BANK1: variants seen among roughly 807,000 people sequenced by gnomAD.
BANK1 encodes B-cell scaffold protein with ankyrin repeats.
BANK1 carries 95 observed loss-of-function variants against 94.5 expected under a neutral mutation model. That is an observed-to-expected ratio of 1.00 (90% CI 0.85 to 1.19). BANK1 has a LOEUF of 1.19. BANK1 is among the 50% of genes most tolerant of loss of function. BANK1 has a pLI of 0.00. For missense variants in BANK1, 987 were observed against 932.2 expected (o/e 1.06, Z -0.77); for synonymous variants, 334 against 308.4 (o/e 1.08, Z -0.87).
At position 102,058,235 on chromosome 4, in the gene BANK1, A is replaced by G. The variant is rs140246831; in HGVS notation, c.1970-1976A>G. Among the ~76,000 whole-genome samples, 14 of 152,230 alleles carry G rather than the reference A, an allele frequency of 9.2e-5. No individual in the cohort carries two copies. The East Asian group carries it at 2.7e-3, about 29-fold the overall frequency. On this transcript the variant is annotated intron_variant, in intron 11 of 16. Coordinates refer to ENST00000322953, the MANE Select transcript of BANK1 (RefSeq NM_017935.5). ...ATTCTTACCTACTCTGTAGATTTATATACTCACTACAATGGGTTGGTTGAT... is the reference window on the plus strand; with the variant it reads ...ATTCTTACCTACTCTGTAGATTTATGTACTCACTACAATGGGTTGGTTGAT...
At chr4:101,838,385 A>G (rs1176715245) in intron 2 of BANK1, among the ~76,000 whole-genome samples, 1 of 152,212 alleles carries the variant, frequency 6.6e-6, no homozygotes, top group Non-Finnish European at 1.5e-5. Flanking sequence ...TGTGTTATTA[A>G]CAACTTAGAA....
chr4:101,849,137 A>G (rs1384102880), intron 2 of BANK1, among the ~76,000 whole-genome samples: 1 of 152,212 alleles, frequency 6.6e-6, no homozygotes, highest in East Asian at 1.9e-4. Context: ...TAAAGTTGTC[A>G]TTACTTCCTG....
intron 11 of BANK1, among the ~76,000 whole-genome samples, chr4:102,052,386 G>A (rs1728082789): frequency 6.6e-6 from 1 of 151,934 alleles, no homozygotes; most frequent in Non-Finnish European, 1.5e-5. Flanking sequence ...AAAGTGCTGG[G>A]ATTACAGGCA....
intron 7 of BANK1, among the ~76,000 whole-genome samples, chr4:101,939,483 T>G (rs1723672342): frequency 6.6e-6 from 1 of 151,702 alleles, no homozygotes; most frequent in East Asian, 1.9e-4. Context: ...AAACTTGGAC[T>G]AGTGGATGCC....
chr4:101,803,923 G>T (rs1725448370), intron 1 of BANK1, among the ~76,000 whole-genome samples: 1 of 135,784 alleles, frequency 7.4e-6, no homozygotes, highest in African/African-American at 2.7e-5. Context: ...GCGTGAACCC[G>T]GGAAGCGGAG....
At position 101,881,550 on chromosome 4, in the gene BANK1, T is replaced by C. The variant is rs118152922; in HGVS notation, c.903+10906T>C. The stretch of plus-strand genomic sequence containing the variant: ...AAAGTCAAGCCACCATGTGATCCAG[T>C]AATCCCACTGCTGGGTATATACCCA... On this transcript the variant is annotated intron_variant, in intron 5 of 16. Transcript: ENST00000322953. Among the ~76,000 whole-genome samples the C allele has an allele frequency of 4.8e-4, 73 of 152,224 alleles. No individual in the cohort carries two copies. The East Asian group carries it at 0.012, about 24-fold the overall frequency.
chr4:102,005,749 T>C (rs767601949), intron 7 of BANK1, among the ~76,000 whole-genome samples: 14 of 152,014 alleles, frequency 9.2e-5, no homozygotes, highest in Non-Finnish European at 1.3e-4. Context: ...GACAACATTC[T>C]TTTTCTTTTG....
At chr4:101,944,022 T>TTGTG (rs70937503) in intron 7 of BANK1, among the ~76,000 whole-genome samples, 7 of 148,238 alleles carry the variant, frequency 4.7e-5, no homozygotes, top group East Asian at 4.0e-4. Flanking sequence ...GTGTGTGTGT[T>TTGTG]TGTGTGTGTG....
rs527553442 is a variant in BANK1 at position 101,934,181 on chromosome 4, G to A, written c.1206+15992G>A. On this transcript the variant is annotated intron_variant, in intron 7 of 16. Coordinates refer to ENST00000322953, the MANE Select transcript of BANK1 (RefSeq NM_017935.5). ...AGCAATAACTGATGAAATTTCCAGA[G>A]TAGATAAAAACTCTTGTTAGCAGCC... Among the ~76,000 whole-genome samples, 4 of 151,564 alleles carry A rather than the reference G, an allele frequency of 2.6e-5. No homozygotes were observed. The South Asian group carries it at 8.3e-4, about 31-fold the overall frequency.
At chr4:102,058,935 T>G (rs924579832) in intron 11 of BANK1, among the ~76,000 whole-genome samples, 3 of 152,196 alleles carry the variant, frequency 2.0e-5, no homozygotes, top group Non-Finnish European at 4.4e-5. Flanking sequence ...CCTCTCCATG[T>G]CCCTGTTCCA....
chr4:102,002,558 C>T (rs2631257), intron 7 of BANK1, among the ~76,000 whole-genome samples: 52,229 of 148,158 alleles, frequency 0.35, 9,326 homozygotes, highest in Non-Finnish European at 0.4. Context: ...CACACACACA[C>T]ACACACACAC....
At chr4:102,054,947 C>CT (rs568576245) in intron 11 of BANK1, among the ~76,000 whole-genome samples, 212 of 151,978 alleles carry the variant, frequency 1.4e-3, no homozygotes, top group African/African-American at 4.8e-3. Context: ...CTTGCACCTG[C>CT]TTTTTTTCAA....
At chr4:101,885,758 G>A (rs990327737) in intron 5 of BANK1, among the ~76,000 whole-genome samples, 3 of 152,188 alleles carry the variant, frequency 2.0e-5, no homozygotes, top group Non-Finnish European at 4.4e-5. Flanking sequence ...TCTGAGAAAT[G>A]CATTGTTAAG....
intron 2 of BANK1, among the ~76,000 whole-genome samples, chr4:101,853,498 C>A (rs1051909514): frequency 7.2e-5 from 11 of 151,844 alleles, no homozygotes; most frequent in Admixed American, 7.2e-4. Context: ...TTTCTTGTTG[C>A]AATAAAGAGA....
chr4:102,009,330 C>G (rs1726407317), intron 7 of BANK1, among the ~76,000 whole-genome samples: 1 of 152,160 alleles, frequency 6.6e-6, no homozygotes, highest in Non-Finnish European at 1.5e-5. Flanking sequence ...ACTTGTTTCC[C>G]AACTGAGCAT....
chr4:101,823,072 T>C (rs1726234614), intron 1 of BANK1, among the ~76,000 whole-genome samples: 1 of 151,248 alleles, frequency 6.6e-6, no homozygotes, highest in South Asian at 2.1e-4. Flanking sequence ...AGAAGCTGTT[T>C]AGTTTAATTA....
At chr4:102,064,196 G>A (rs945922160) in intron 13 of BANK1, among the ~76,000 whole-genome samples, 9 of 151,974 alleles carry the variant, frequency 5.9e-5, no homozygotes, top group African/African-American at 1.9e-4. Flanking sequence ...CTAGTCCTTC[G>A]TGTTGAAATT....
intron 2 of BANK1, 115 bp downstream of exon 2, chr4:101,830,321 A>G (rs1032210544): frequency 2.4e-6 from 2 of 819,354 alleles, no homozygotes; most frequent in African/African-American, 3.5e-5. Context: ...AATAAGAAAA[A>G]TGAGAGCTGA....
At chr4:101,826,619 A>G (rs1052953335) in intron 1 of BANK1, among the ~76,000 whole-genome samples, 3 of 151,962 alleles carry the variant, frequency 2.0e-5, no homozygotes, top group African/African-American at 7.2e-5. Flanking sequence ...TTATGGCATA[A>G]TATTTCTGTT....
Sources: allele counts gnomAD v4.1 joint callset (sites outside exome capture counted in the v4.1 genomes callset), GRCh38; gene constraint gnomAD v4.1.1; transcripts MANE v1.5; gene names NCBI Gene and HGNC (gene_info 2026-07-23, HGNC 2026-07-21).